Variants in PCCA observed in about 807,000 individuals in gnomAD.
The protein encoded by PCCA is propionyl-CoA carboxylase subunit alpha, also known as propionyl-CoA carboxylase alpha chain, mitochondrial.
PCCA carries 74 observed loss-of-function variants against 101.3 expected under a neutral mutation model. The ratio of observed to expected loss-of-function variants is 0.73; its 90% CI spans 0.61 to 0.89. PCCA has a LOEUF of 0.89. PCCA is among the 40% of genes least tolerant of loss of function. The pLI is 0.00. For missense variants in PCCA, 891 were observed against 907.0 expected (o/e 0.98, Z 0.23); for synonymous variants, 294 against 313.6 (o/e 0.94, Z 0.66).
At chr13:100,296,362 T>A (rs1363080665) in intron 12 of PCCA, among the ~76,000 whole-genome samples, 1 of 151,780 alleles carries the variant, frequency 6.6e-6, no homozygotes, top group Non-Finnish European at 1.5e-5. Context: ...CACCTCAGCC[T>A]CCCAATTAGC....
intron 23 of PCCA, 36 bp from the exon 24 acceptor site, chr13:100,530,062 T>C: frequency 6.5e-7 from 1 of 1,549,304 alleles, no homozygotes; most frequent in Non-Finnish European, 8.9e-7. Flanking sequence ...TACTAATTCT[T>C]ACTCTCCCCT....
At chr13:100,303,385 C>T (rs1301600338) in intron 14 of PCCA, among the ~76,000 whole-genome samples, 1 of 152,154 alleles carries the variant, frequency 6.6e-6, no homozygotes, top group African/African-American at 2.4e-5. Flanking sequence ...AGCACAAAAT[C>T]AGCTCCTTAA....
chr13:100,458,430 CACACACACAT>C (rs1246028227), intron 21 of PCCA, among the ~76,000 whole-genome samples: 31 of 89,608 alleles, frequency 3.5e-4, no homozygotes, highest in East Asian at 2.4e-3. Flanking sequence ...CGCGCACACA[CACACACACAT>C]ACACACACAC....
At chr13:100,513,828 CAACTAG>C (rs1207057690) in intron 21 of PCCA, among the ~76,000 whole-genome samples, 3 of 152,194 alleles carry the variant, frequency 2.0e-5, no homozygotes, top group African/African-American at 4.8e-5. Context: ...AGGGCGATAC[CAACTAG>C]AAAAGTAACT....
At chr13:100,416,260 C>T (rs1019002169) in intron 19 of PCCA, among the ~76,000 whole-genome samples, 4 of 151,860 alleles carry the variant, frequency 2.6e-5, no homozygotes, top group Non-Finnish European at 5.9e-5. Context: ...ATGATCTCAG[C>T]TCACTGCAAC....
intron 21 of PCCA, among the ~76,000 whole-genome samples, chr13:100,474,733 C>A (rs1051085806): frequency 1.3e-5 from 2 of 152,130 alleles, no homozygotes; most frequent in African/African-American, 4.8e-5. Flanking sequence ...AAGCGATCCT[C>A]CCACCTTGGC....
intron 7 of PCCA, among the ~76,000 whole-genome samples, chr13:100,211,843 T>A (rs1434922779): frequency 6.6e-6 from 1 of 152,154 alleles, no homozygotes; most frequent in African/African-American, 2.4e-5. Context: ...TGGGCTCAAG[T>A]GCTCCTCCCA....
intron 4 of PCCA, among the ~76,000 whole-genome samples, chr13:100,126,280 G>A (rs1356824805): frequency 6.6e-6 from 1 of 151,434 alleles, no homozygotes; most frequent in African/African-American, 2.4e-5. Flanking sequence ...TTTATAGTAT[G>A]GTATCTTTTT....
chr13:100,274,197 C>T (rs147202059), intron 12 of PCCA, among the ~76,000 whole-genome samples: 63 of 152,246 alleles, frequency 4.1e-4, no homozygotes, highest in Middle Eastern at 3.4e-3. Context: ...CTTTGAATTA[C>T]GCATACCTAA....
chr13:100,245,481 T>G (rs974355576), intron 8 of PCCA, among the ~76,000 whole-genome samples: 2 of 152,196 alleles, frequency 1.3e-5, no homozygotes, highest in Non-Finnish European at 2.9e-5. Context: ...TTTTTCTTCA[T>G]TCTGTGTGTT....
In PCCA at chr13:100,394,742, C is replaced by T. The variant is rs2076965835; in HGVS notation, c.1746+26168C>T. ...ATATGTTGAAAGAATGAAATATATC[C>T]TTCATAGTAAAATTATGTTTTTTAA... On this transcript the variant is annotated intron_variant, in intron 19 of 23. Transcript: ENST00000376285. The surrounding 1 kb of genome is among the most constrained non-coding windows in gnomAD (Gnocchi z 4.3). Among the ~76,000 whole-genome samples, 1 of 152,164 alleles carries T rather than the reference C, an allele frequency of 6.6e-6. No homozygotes were observed. Among genetic ancestry groups the T allele is most frequent in the Admixed American group, 6.5e-5 (1 of 15,272 alleles).
At chr13:100,260,737 ATT>A (rs2062438301) in intron 9 of PCCA, among the ~76,000 whole-genome samples, 1 of 152,146 alleles carries the variant, frequency 6.6e-6, no homozygotes, top group African/African-American at 2.4e-5. Context: ...GGACTGTAGG[ATT>A]AAATGATATT....
At chr13:100,272,488 C>A (rs2063367511) in intron 11 of PCCA, among the ~76,000 whole-genome samples, 1 of 152,142 alleles carries the variant, frequency 6.6e-6, no homozygotes, top group Non-Finnish European at 1.5e-5. Flanking sequence ...GACAGTACTT[C>A]ATGGCCTTCT....
chr13:100,153,611 AG>A (rs1566591356), intron 4 of PCCA, among the ~76,000 whole-genome samples: 1 of 152,206 alleles, frequency 6.6e-6, no homozygotes, highest in Non-Finnish European at 1.5e-5. Context: ...AGAGGGCAAT[AG>A]GGCAATAGAG....
chr13:100,284,926 A>T (rs947045335), intron 12 of PCCA, among the ~76,000 whole-genome samples: 14 of 152,114 alleles, frequency 9.2e-5, no homozygotes, highest in Non-Finnish European at 1.3e-4. Flanking sequence ...TATGTGGATG[A>T]TTTACTTTTG....
In PCCA at chr13:100,448,971, A is replaced by G. The variant is rs189016831; in HGVS notation, c.1846-281A>G. 4.6e-4 allele frequency among the ~76,000 whole-genome samples: 70 copies of G among 152,336 alleles called. 1 individual carries two copies. Among genetic ancestry groups the G allele is most frequent in the Non-Finnish European group, 1.6e-4 (11 of 68,032 alleles). On this transcript the variant is annotated intron_variant, in intron 20 of 23. Transcript: ENST00000376285. ...TCCTCCCAGACCTCCTCTTGGAGGC[A>G]TCTACCAATCTACCTTCCATCTCCA...
chr13:100,398,844 A>G (rs1595746987), intron 19 of PCCA, among the ~76,000 whole-genome samples: 1 of 152,180 alleles, frequency 6.6e-6, no homozygotes, highest in African/African-American at 2.4e-5. Flanking sequence ...TCCATCAACT[A>G]CATGCAATTT....
chr13:100,446,877 C>G (rs1472816131), intron 20 of PCCA, among the ~76,000 whole-genome samples: 1 of 152,128 alleles, frequency 6.6e-6, no homozygotes, highest in African/African-American at 2.4e-5. Context: ...TTGTTTTGTT[C>G]TTCTTGCCCT....
chr13:100,165,480 T>A (rs1185529295), intron 6 of PCCA, among the ~76,000 whole-genome samples: 6 of 152,216 alleles, frequency 3.9e-5, no homozygotes. Context: ...TTGCACAGAC[T>A]TGTGGGAGTA....
Sources: allele counts gnomAD v4.1 joint callset (sites outside exome capture counted in the v4.1 genomes callset), GRCh38; gene constraint gnomAD v4.1.1; non-coding constraint Gnocchi (gnomAD v3.1); transcripts MANE v1.5; gene names NCBI Gene and HGNC (gene_info 2026-07-23, HGNC 2026-07-21).